Variants in GALNTL6 observed in about 807,000 individuals in gnomAD.
The protein encoded by GALNTL6 is polypeptide N-acetylgalactosaminyltransferase-like 6.
Under a neutral mutation model 73.7 loss-of-function variants are expected in GALNTL6, and 46 were observed. The observed-to-expected ratio is 0.62, with a 90% CI of 0.49 to 0.80. The LOEUF is 0.80. Among genes scored for constraint, GALNTL6 ranks in the 30% least tolerant of loss-of-function variants. GALNTL6 has a pLI of 0.00. For missense variants in GALNTL6, 604 were observed against 755.0 expected, an observed-to-expected ratio of 0.80 and a Z score of 2.34; for synonymous variants, 259 against 263.7, an observed-to-expected ratio of 0.98 and a Z score of 0.17.
At chr4:172,382,048 C>T (rs961847149) in intron 5 of GALNTL6, among the ~76,000 whole-genome samples, 1 of 152,198 alleles carries the variant, frequency 6.6e-6, no homozygotes, top group African/African-American at 2.4e-5. Flanking sequence ...TGGCTCACTG[C>T]AACTTCCACC....
At chr4:172,849,357 A>G (rs750178010) in intron 7 of GALNTL6, among the ~76,000 whole-genome samples, 42 of 152,162 alleles carry the variant, frequency 2.8e-4, no homozygotes, top group Admixed American at 5.2e-4. Flanking sequence ...AAAGAAAGTG[A>G]AAAAATGTCT....
chr4:172,235,823 A>G (rs759989472), intron 3 of GALNTL6, among the ~76,000 whole-genome samples: 1 of 152,024 alleles, frequency 6.6e-6, no homozygotes, highest in Admixed American at 6.6e-5. Context: ...CCCAGTGTCT[A>G]CTATTCCCAT....
At chr4:173,011,749 T>C (rs1324118261) in intron 11 of GALNTL6, among the ~76,000 whole-genome samples, 1 of 152,204 alleles carries the variant, frequency 6.6e-6, no homozygotes, top group Admixed American at 6.5e-5. Context: ...TTGCTTTTAA[T>C]TGAAAAACAT....
intron 2 of GALNTL6, among the ~76,000 whole-genome samples, chr4:171,985,702 G>A (rs990154306): frequency 2.0e-5 from 3 of 151,688 alleles, no homozygotes; most frequent in African/African-American, 4.8e-5. Context: ...AATTAGGGCT[G>A]TCACTGAAAA....
intron 7 of GALNTL6, among the ~76,000 whole-genome samples, chr4:172,843,891 T>G (rs1011758281): frequency 2.0e-5 from 3 of 152,076 alleles, no homozygotes; most frequent in Admixed American, 1.3e-4. Context: ...AGACCATGTC[T>G]CTACCAAAAA....
chr4:172,580,339 A>T (rs1737133467), intron 5 of GALNTL6, among the ~76,000 whole-genome samples: 1 of 152,202 alleles, frequency 6.6e-6, no homozygotes, highest in Non-Finnish European at 1.5e-5. Context: ...GTAATAGTAA[A>T]TTATCAAGAT....
intron 2 of GALNTL6, among the ~76,000 whole-genome samples, chr4:172,066,650 C>G (rs1566947): frequency 0.48 from 73,387 of 151,504 alleles, 18,152 homozygotes; most frequent in Non-Finnish European, 0.5. Flanking sequence ...CAAGATTTCC[C>G]TGTAGAATGG....
Position 173,040,119 on chromosome 4 carries a change from G to C in GALNTL6, c.*19G>C, listed in dbSNP as rs1280347654. ...CTCCTAGAAAGAAGAAAGGAAGAAAGAGTGATTACCTACAGGTTATAAATT... is the reference window on the plus strand; with the variant it reads ...CTCCTAGAAAGAAGAAAGGAAGAAACAGTGATTACCTACAGGTTATAAATT... On this transcript the variant is annotated 3_prime_UTR_variant, in exon 13 of 13. Transcript: ENST00000506823. The C allele has an allele frequency of 6.3e-7, 1 of 1,583,880 alleles. No homozygotes were observed. Among genetic ancestry groups the C allele is most frequent in the Non-Finnish European group, 8.6e-7 (1 of 1,156,560 alleles).
intron 8 of GALNTL6, among the ~76,000 whole-genome samples, chr4:172,904,650 C>A (rs1328860330): frequency 6.6e-6 from 1 of 152,152 alleles, no homozygotes; most frequent in African/African-American, 2.4e-5. Flanking sequence ...CCCTGGTCCT[C>A]CAGACCTGTT....
At chr4:172,871,595 G>GGT (rs1561004838) in intron 7 of GALNTL6, among the ~76,000 whole-genome samples, 2 of 124,578 alleles carry the variant, frequency 1.6e-5, no homozygotes, top group African/African-American at 5.7e-5. Context: ...CTCTGGGGGG[G>GGT]GTGTGTGTGT....
At chr4:172,248,662 G>A (rs1273755726) in intron 3 of GALNTL6, among the ~76,000 whole-genome samples, 1 of 152,038 alleles carries the variant, frequency 6.6e-6, no homozygotes. Context: ...AATTCCCAAG[G>A]GTCCTGAGAG....
intron 7 of GALNTL6, among the ~76,000 whole-genome samples, chr4:172,848,435 A>G (rs1389379134): frequency 2.6e-5 from 4 of 152,200 alleles, no homozygotes; most frequent in Non-Finnish European, 4.4e-5. Flanking sequence ...CTCTGAGTAT[A>G]ATGGAGCTGC....
intron 5 of GALNTL6, among the ~76,000 whole-genome samples, chr4:172,669,475 A>G (rs1731853021): frequency 6.6e-6 from 1 of 152,288 alleles, no homozygotes; most frequent in East Asian, 1.9e-4. Context: ...CTTAGGAAGG[A>G]TAGATATAAT....
At chr4:172,250,659 C>A (rs1313083924) in intron 3 of GALNTL6, among the ~76,000 whole-genome samples, 3 of 151,968 alleles carry the variant, frequency 2.0e-5, no homozygotes, top group African/African-American at 7.3e-5. Context: ...GCTTCCCCTT[C>A]CACCATGATT....
intron 3 of GALNTL6, among the ~76,000 whole-genome samples, chr4:172,242,172 T>A (rs2110995013): frequency 6.6e-6 from 1 of 152,264 alleles, no homozygotes; most frequent in South Asian, 2.1e-4. Context: ...ACTATAGATC[T>A]AACAAATTGG....
intron 5 of GALNTL6, among the ~76,000 whole-genome samples, chr4:172,694,294 T>C (rs2111267230): frequency 6.6e-6 from 1 of 152,214 alleles, no homozygotes; most frequent in South Asian, 2.1e-4. Flanking sequence ...TCCCTCCCCT[T>C]GCCCCCAATA....
chr4:172,163,671 C>T (rs183199036), intron 2 of GALNTL6, among the ~76,000 whole-genome samples: 11 of 152,032 alleles, frequency 7.2e-5, no homozygotes, highest in Non-Finnish European at 1.6e-4. Flanking sequence ...GGTTTCTTTA[C>T]GTTAAACTTT....
intron 3 of GALNTL6, among the ~76,000 whole-genome samples, chr4:172,304,824 G>A (rs1740069586): frequency 6.6e-6 from 1 of 152,030 alleles, no homozygotes; most frequent in Non-Finnish European, 1.5e-5. Context: ...CTTATGTAAA[G>A]TCTCCCTAGC....
At chr4:172,538,794 G>A (rs2110867198) in intron 5 of GALNTL6, among the ~76,000 whole-genome samples, 1 of 152,200 alleles carries the variant, frequency 6.6e-6, no homozygotes, top group Non-Finnish European at 1.5e-5. Context: ...ATTTTGGGGA[G>A]ACTATAATTT....
Sources: allele counts gnomAD v4.1 joint callset (sites outside exome capture counted in the v4.1 genomes callset), GRCh38; gene constraint gnomAD v4.1.1; transcripts MANE v1.5; gene names NCBI Gene and HGNC (gene_info 2026-07-23, HGNC 2026-07-21).